Variants in SNRPA observed in about 807,000 individuals in gnomAD.
SNRPA encodes the protein small nuclear ribonucleoprotein polypeptide A, also known as U1 small nuclear ribonucleoprotein A.
SNRPA carries 10 observed loss-of-function variants against 24.5 expected under a neutral mutation model. The observed-to-expected ratio is 0.41, with a 90% CI of 0.25 to 0.69. The LOEUF is 0.69. Ranked by LOEUF, SNRPA falls within the 30% of genes least tolerant of loss-of-function variation. The probability of loss-of-function intolerance (pLI) is 0.33; values close to 1 mark genes in which losing one functional copy is unlikely to be tolerated. For missense variants in SNRPA, 283 were observed against 394.7 expected (o/e 0.72, Z 2.40); for synonymous variants, 165 against 148.4 (o/e 1.11, Z -0.81).
chr19:40,755,746 C>T (rs531871913), intron 1 of SNRPA, among the ~76,000 whole-genome samples: 2 of 152,262 alleles, frequency 1.3e-5, no homozygotes, highest in Non-Finnish European at 2.9e-5. Flanking sequence ...GGAGTCCATC[C>T]TTGTTGAGCT....
chr19:40,763,484 G>C (rs747918485), intron 4 of SNRPA, 103 bp from the exon 5 acceptor site: 36 of 896,902 alleles, frequency 4.0e-5, no homozygotes, highest in Non-Finnish European at 6.4e-5. Context: ...GGAAGTACCA[G>C]AGTGAATTCA....
At position 40,757,363 on chromosome 19, in the gene SNRPA, C is replaced by T; in HGVS notation, c.105C>T (p.Ser35=). Reference sequence around the variant, plus strand: ...AAAAGTCCCTGTACGCCATCTTCTCCCAGTTTGGCCAGATCCTGGATATCC... The same window carrying T: ...AAAAGTCCCTGTACGCCATCTTCTCTCAGTTTGGCCAGATCCTGGATATCC... ...ELKKSLYAIF[S]QFGQILDILV... The change falls in exon 2 of 6, where the codon TCC becomes TCT. Residue 35 remains serine (S), a synonymous_variant. Transcript: ENST00000243563. 1 of 1,614,094 alleles carries T rather than the reference C, an allele frequency of 6.2e-7. No individual in the cohort carries two copies. The highest frequency in any genetic ancestry group is 8.5e-7 in the Non-Finnish European group (1 of 1,180,008).
At chr19:40,760,100 C>T (rs905906254) in intron 3 of SNRPA, among the ~76,000 whole-genome samples, 3 of 152,134 alleles carry the variant, frequency 2.0e-5, no homozygotes, top group African/African-American at 7.2e-5. Flanking sequence ...CATCACAGCT[C>T]ACTACAACCT....
At chr19:40,763,193 G>A in intron 4 of SNRPA, 119 bp downstream of exon 4, 1 of 712,464 alleles carries the variant, frequency 1.4e-6, no homozygotes, top group Admixed American at 3.0e-5. Flanking sequence ...CTGAGGAGGT[G>A]GTACTGAATG....
rs747247144 is a variant in SNRPA at position 40,762,909 on chromosome 19, G to A, written c.435G>A (p.Pro145=). 2.5e-6 allele frequency: 4 copies of A among 1,613,396 alleles called. No individual in the cohort carries two copies. The highest frequency in any genetic ancestry group is 1.7e-5 in the Admixed American group (1 of 59,948). The change falls in exon 4 of 6, where the codon CCG becomes CCA. Residue 145 remains proline, a synonymous_variant. Transcript: ENST00000243563. ...GAVQGPVPGM[P]PMTQAPRIMH... ...CCTCCCTCTCTCCACAGGGCATGCC[G>A]CCGATGACTCAGGCGCCCCGCATTA...
chr19:40,762,373 C>G (rs1484955218), intron 3 of SNRPA, among the ~76,000 whole-genome samples: 1 of 152,020 alleles, frequency 6.6e-6, no homozygotes, highest in South Asian at 2.1e-4. Context: ...CCCACCACCA[C>G]GCCTGGCTAA....
intron 2 of SNRPA, among the ~76,000 whole-genome samples, 199 bp downstream of exon 2, chr19:40,757,703 G>A (rs1466518251): frequency 6.6e-6 from 1 of 151,876 alleles, no homozygotes; most frequent in Non-Finnish European, 1.5e-5. Context: ...GGCACTTTGG[G>A]AGGCCGAGGC....
chr19:40,751,655 T>C (rs2082865684), intron 1 of SNRPA, 174 bp downstream of exon 1: 1 of 614,524 alleles, frequency 1.6e-6, no homozygotes, highest in Admixed American at 2.5e-5. Context: ...CATCTTACAC[T>C]CTGCCCTTTA....
rs112741789 is a variant in SNRPA at position 40,751,738 on chromosome 19, C to A, written c.73+257C>A. On this transcript the variant is annotated intron_variant, in intron 1 of 5. Transcript: ENST00000243563. ...TTCCTCCAGGAAGCCTTGCCTTGTC[C>A]CTTCACGTGGCTGCCGCTGACTTGC... Among the ~76,000 whole-genome samples, 7 of 152,288 alleles carry A rather than the reference C, an allele frequency of 4.6e-5. 1 individual carries two copies. Among genetic ancestry groups the A allele is most frequent in the African/African-American group, 1.7e-4 (7 of 41,554 alleles).
At position 40,753,384 on chromosome 19, in the gene SNRPA, G is replaced by GTTTTTTTTT. The variant is rs746525368; in HGVS notation, c.73+1925_73+1933dup. On this transcript the variant is annotated intron_variant, in intron 1 of 5. Coordinates refer to ENST00000243563, the MANE Select transcript of SNRPA (RefSeq NM_004596.5). ...AATCAGGAGTGTAAATTTTGCATAT[G>GTTTTTTTTT]TTTTTTTTTTTTTTTTTTTTTTTTT... Among the ~76,000 whole-genome samples the GTTTTTTTTT allele has an allele frequency of 1.0e-2, 382 of 38,378 alleles. 36 individuals carry two copies. Among genetic ancestry groups the GTTTTTTTTT allele is most frequent in the Non-Finnish European group, 0.012 (277 of 23,278 alleles). The allele number at this position is 38,378 out of a possible 152,430, so 25.2% of individuals were successfully genotyped here. A position where few individuals can be genotyped will look rare whatever the true frequency, so the allele number is the denominator to read the frequency against.
intron 1 of SNRPA, among the ~76,000 whole-genome samples, chr19:40,752,723 G>A (rs2082887669): frequency 6.6e-6 from 1 of 150,470 alleles, no homozygotes. Context: ...CTGCACTGCT[G>A]CCTGGGCTGA....
intron 5 of SNRPA, 94 bp downstream of exon 5, chr19:40,763,769 T>C (rs1354008254): frequency 9.4e-7 from 1 of 1,060,800 alleles, no homozygotes; most frequent in Non-Finnish European, 1.5e-6. Context: ...AGCAGAGCTC[T>C]GAGCCAAGTA....
intron 1 of SNRPA, among the ~76,000 whole-genome samples, chr19:40,754,208 A>G (rs1303836941): frequency 6.8e-6 from 1 of 148,040 alleles, no homozygotes; most frequent in Non-Finnish European, 1.5e-5. Context: ...AATTCAAGTG[A>G]TTCTCTGCCT....
intron 4 of SNRPA, 46 bp from the exon 5 acceptor site, chr19:40,763,541 T>A: frequency 1.3e-6 from 2 of 1,481,700 alleles, no homozygotes; most frequent in Non-Finnish European, 1.9e-6. Context: ...GGTCTCCCAC[T>A]GGACTCAGGG....
intron 3 of SNRPA, among the ~76,000 whole-genome samples, chr19:40,761,470 T>TC (rs2082932403): frequency 9.0e-6 from 1 of 111,652 alleles, no homozygotes; most frequent in Non-Finnish European, 1.8e-5. Context: ...TTTTTTTTTT[T>TC]TTTTTTTTTT....
chr19:40,764,941 C>T (rs1157357460), intron 5 of SNRPA, 67 bp from the exon 6 acceptor site: 1 of 1,433,562 alleles, frequency 7.0e-7, no homozygotes, highest in African/African-American at 1.5e-5. Flanking sequence ...TTTCTGGCCT[C>T]TGTCCACTTG....
chr19:40,762,821 C>T, intron 3 of SNRPA, 80 bp from the exon 4 acceptor site: 1 of 1,457,908 alleles, frequency 6.9e-7, no homozygotes, highest in Non-Finnish European at 9.4e-7. Context: ...ACATCTCTCA[C>T]CCGCTAGGTT....
rs1403454509 is a variant in SNRPA, at chr19:40,759,519, A to G, written c.335A>G (p.Lys112Arg). The change falls in exon 3 of 6, where the codon AAG becomes AGG. Residue 112 changes from lysine to arginine, a missense_variant. This residue lies in a region of SNRPA where 167 missense variants were observed against 174.3 expected (regional missense o/e 0.96). Coordinates refer to ENST00000243563, the MANE Select transcript of SNRPA (RefSeq NM_004596.5). ...VERDRKREKR[K>R]PKSQETPATK... is the part of the protein sequence containing the mutation. ...CGGGACCGCAAGCGGGAGAAGAGGAAGCCCAAGAGCCAGGAGACCCCGGCC... is the reference window on the plus strand; with the variant it reads ...CGGGACCGCAAGCGGGAGAAGAGGAGGCCCAAGAGCCAGGAGACCCCGGCC... 6.2e-6 allele frequency: 10 copies of G among 1,613,888 alleles called. No individual in the cohort carries two copies. The highest frequency in any genetic ancestry group is 8.5e-6 in the Non-Finnish European group (10 of 1,179,992).
Position 40,759,553 on chromosome 19 carries a change from G to A in SNRPA, c.369G>A (p.Lys123=). The A allele has an allele frequency of 1.9e-6, 3 of 1,614,018 alleles. No homozygotes were observed. The highest frequency in any genetic ancestry group is 2.5e-6 in the Non-Finnish European group (3 of 1,179,992). The part of the protein sequence containing the change: ...PKSQETPATK[K]AVQGGGATPV... Reference sequence around the variant, plus strand: ...GCCAGGAGACCCCGGCCACCAAGAAGGCTGTGCAAGGCGGGGGAGCCACCC... The same window carrying A: ...GCCAGGAGACCCCGGCCACCAAGAAAGCTGTGCAAGGCGGGGGAGCCACCC... The change falls in exon 3 of 6, where the codon AAG becomes AAA. Residue 123 remains lysine (K), a synonymous_variant. Coordinates refer to ENST00000243563, the MANE Select transcript of SNRPA (RefSeq NM_004596.5).
Sources: allele counts gnomAD v4.1 joint callset (sites outside exome capture counted in the v4.1 genomes callset), GRCh38; gene constraint gnomAD v4.1.1; regional missense constraint gnomAD v4.1.1; transcripts MANE v1.5; gene names NCBI Gene and HGNC (gene_info 2026-07-23, HGNC 2026-07-21).